TMEM132B: variants seen among roughly 807,000 people sequenced by gnomAD.
The protein encoded by TMEM132B is transmembrane protein 132B.
TMEM132B carries 18 observed loss-of-function variants against 90.8 expected under a neutral mutation model. The observed-to-expected ratio is 0.20, with a 90% CI of 0.14 to 0.29. The LOEUF (loss-of-function observed/expected upper bound fraction) is 0.29, where lower values mean the gene tolerates loss of function less well. TMEM132B is among the 10% of genes least tolerant of loss of function. The pLI is 1.00. For synonymous variants in TMEM132B, 504 were observed against 523.3 expected (o/e 0.96, Z 0.50); for missense variants, 1,096 against 1,326.8 (o/e 0.83, Z 2.70).
At chr12:125,642,188 G>T (rs1038431618) in intron 5 of TMEM132B, among the ~76,000 whole-genome samples, 3 of 152,144 alleles carry the variant, frequency 2.0e-5, no homozygotes, top group Non-Finnish European at 4.4e-5. Flanking sequence ...GTACCTAAAT[G>T]GATGGCAGTC....
intron 1 of TMEM132B, among the ~76,000 whole-genome samples, chr12:125,331,032 C>G (rs1466885953): frequency 6.6e-6 from 1 of 152,248 alleles, no homozygotes; most frequent in Non-Finnish European, 1.5e-5. Context: ...GGTTTCGTCT[C>G]TGGAAGAGGG....
intron 3 of TMEM132B, among the ~76,000 whole-genome samples, chr12:125,434,624 G>A (rs1306494102): frequency 6.6e-6 from 1 of 152,202 alleles, no homozygotes; most frequent in Admixed American, 6.5e-5. Flanking sequence ...GGAGGCGCCG[G>A]CTGTGGTCAG....
At chr12:125,275,013 A>G (rs1874951262) in intron 1 of TMEM132B, among the ~76,000 whole-genome samples, 1 of 152,230 alleles carries the variant, frequency 6.6e-6, no homozygotes, top group African/African-American at 2.4e-5. Context: ...AAGGTGGGAC[A>G]TGGTTAACTT....
intron 4 of TMEM132B, among the ~76,000 whole-genome samples, chr12:125,560,831 CAAAAAAAAAAAAAA>C (rs58083131): frequency 1.0e-4 from 3 of 29,260 alleles, no homozygotes; most frequent in Admixed American, 1.6e-3. Context: ...GACTCTGTCT[CAAAAAAAAAAAAAA>C]AAAAAAAAAA....
At chr12:125,216,826 C>T (rs887486155) in intron 1 of TMEM132B, among the ~76,000 whole-genome samples, 13 of 152,306 alleles carry the variant, frequency 8.5e-5, no homozygotes, top group African/African-American at 3.1e-4. Flanking sequence ...GACCCAGGGG[C>T]TCGGGTGGGT....
rs539417009 is a variant in TMEM132B at position 125,414,837 on chromosome 12, G to C, written c.960-694G>C. On this transcript the variant is annotated intron_variant, in intron 2 of 8. Coordinates refer to ENST00000682704, the MANE Select transcript of TMEM132B (RefSeq NM_001366854.1). ...ACTGTTATAGAGGAGATGTTTTCTG[G>C]TTAGTAGCAACGTGAGGATCATTTC... Among the ~76,000 whole-genome samples, 4 of 152,296 alleles carry C rather than the reference G, an allele frequency of 2.6e-5. No individual in the cohort carries two copies. In the South Asian group the frequency reaches 8.3e-4, roughly 32 times the overall value.
intron 1 of TMEM132B, among the ~76,000 whole-genome samples, chr12:125,276,792 G>A (rs1053662154): frequency 3.3e-5 from 5 of 152,182 alleles, no homozygotes; most frequent in African/African-American, 1.2e-4. Flanking sequence ...CAGCGCCGGT[G>A]AAGTCAGCTT....
intron 2 of TMEM132B, among the ~76,000 whole-genome samples, chr12:125,356,444 C>A (rs1420235108): frequency 6.6e-6 from 1 of 152,232 alleles, no homozygotes; most frequent in Non-Finnish European, 1.5e-5. Context: ...AGCCACCTTC[C>A]TCCTGGGTGT....
At chr12:125,359,498 T>C (rs1345143611) in intron 2 of TMEM132B, among the ~76,000 whole-genome samples, 2 of 151,942 alleles carry the variant, frequency 1.3e-5, no homozygotes, top group Admixed American at 1.3e-4. Flanking sequence ...AAAGATATGA[T>C]CCAAATAGTA....
At chr12:125,564,095 G>C (rs536041867) in intron 4 of TMEM132B, among the ~76,000 whole-genome samples, 1 of 152,182 alleles carries the variant, frequency 6.6e-6, no homozygotes, top group East Asian at 1.9e-4. Flanking sequence ...GAAAGGGTAC[G>C]GCTAGATTTG....
intron 5 of TMEM132B, among the ~76,000 whole-genome samples, chr12:125,638,243 T>C (rs1245561800): frequency 6.6e-6 from 1 of 152,120 alleles, no homozygotes; most frequent in African/African-American, 2.4e-5. Flanking sequence ...CTCTCCATAA[T>C]ATAGAGACAA....
chr12:125,633,857 G>C (rs1417527215), intron 5 of TMEM132B, among the ~76,000 whole-genome samples: 3 of 152,210 alleles, frequency 2.0e-5, no homozygotes, highest in Non-Finnish European at 4.4e-5. Flanking sequence ...CTCCCACTAT[G>C]ACTGTGCTGG....
Position 125,201,141 on chromosome 12 carries a change from G to A in TMEM132B, c.67+14275G>A, listed in dbSNP as rs931113639. ...CCAGTTAAGTGTTTCTCTCTTAAAT[G>A]TATGGGCTGAGCTGCTGAGAGGGTC... On this transcript the variant is annotated intron_variant, in intron 1 of 8. Transcript: ENST00000682704. Among the ~76,000 whole-genome samples, 17 of 152,140 alleles carry A rather than the reference G, an allele frequency of 1.1e-4. No individual in the cohort carries two copies. The East Asian group carries it at 3.1e-3, about 28-fold the overall frequency.
At position 125,575,057 on chromosome 12, in the gene TMEM132B, CATAT is replaced by C. The variant is rs147688714; in HGVS notation, c.1294-8771_1294-8768del. Among the ~76,000 whole-genome samples the C allele has an allele frequency of 1.5e-3, 65 of 43,892 alleles. 10 individuals are homozygous for C. Among genetic ancestry groups the C allele is most frequent in the African/African-American group, 1.8e-3 (31 of 17,656 alleles). 28.8% of individuals were successfully genotyped at this position (43,892 alleles called of 152,430 possible). A position where few individuals can be genotyped will look rare whatever the true frequency, so the allele number is the denominator to read the frequency against. On this transcript the variant is annotated intron_variant, in intron 4 of 8. Transcript: ENST00000682704. ...ATGAAATCCCAAACCTATTAGCTGT[CATAT>C]ATATATATATATATATATATATTCA...
intron 3 of TMEM132B, among the ~76,000 whole-genome samples, chr12:125,505,195 A>AAAAAAAC (rs1183847146): frequency 1.7e-4 from 25 of 148,004 alleles, no homozygotes; most frequent in Non-Finnish European, 3.7e-4. Flanking sequence ...AAAAAAAAAA[A>AAAAAAAC]CAGTAAGTGG....
chr12:125,610,342 G>A (rs1227759402), intron 5 of TMEM132B, among the ~76,000 whole-genome samples: 3 of 152,092 alleles, frequency 2.0e-5, no homozygotes, highest in African/African-American at 7.2e-5. Context: ...ATCGTCGTTA[G>A]TGACAAACTT....
intron 3 of TMEM132B, among the ~76,000 whole-genome samples, chr12:125,467,355 A>C (rs1025708422): frequency 7.9e-5 from 12 of 152,208 alleles, no homozygotes; most frequent in African/African-American, 2.4e-4. Flanking sequence ...CCTATTAGAT[A>C]CATCATCTCC....
chr12:125,289,564 T>G (rs2136144412), intron 1 of TMEM132B, among the ~76,000 whole-genome samples: 1 of 152,328 alleles, frequency 6.6e-6, no homozygotes, highest in East Asian at 1.9e-4. Flanking sequence ...TATTTGACAA[T>G]GGAACCCAGA....
intron 3 of TMEM132B, among the ~76,000 whole-genome samples, chr12:125,444,347 T>C (rs1880948938): frequency 6.6e-6 from 1 of 152,306 alleles, no homozygotes; most frequent in African/African-American, 2.4e-5. Context: ...ATATAAACAG[T>C]TTTCTCTCCT....
Sources: gnomAD v4.1 joint callset for allele counts (sites outside exome capture counted in the v4.1 genomes callset) on GRCh38, gnomAD v4.1.1 for gene constraint, MANE v1.5 for transcripts, NCBI Gene and HGNC (gene_info 2026-07-23, HGNC 2026-07-21) for gene names.